Variants in SLC10A7 observed in about 807,000 individuals in gnomAD.
SLC10A7 encodes solute carrier family 10 member 7.
Under a neutral mutation model 43.2 loss-of-function variants are expected in SLC10A7, and 29 were observed. The observed-to-expected ratio is 0.67, with a 90% CI of 0.50 to 0.92. The LOEUF is 0.92. SLC10A7 is among the 40% of genes least tolerant of loss of function. SLC10A7 has a pLI of 0.00. For synonymous variants in SLC10A7, 152 were observed against 144.8 expected (o/e 1.05, Z -0.35); for missense variants, 295 against 403.2 (o/e 0.73, Z 2.30).
At chr4:146,494,786 G>T (rs1320360226) in intron 4 of SLC10A7, among the ~76,000 whole-genome samples, 1 of 152,152 alleles carries the variant, frequency 6.6e-6, no homozygotes, top group Non-Finnish European at 1.5e-5. Flanking sequence ...TCTGGGATTG[G>T]TGACTAAAAA....
intron 10 of SLC10A7, among the ~76,000 whole-genome samples, chr4:146,268,563 T>C (rs1464983228): frequency 6.6e-6 from 1 of 152,194 alleles, no homozygotes; most frequent in South Asian, 2.1e-4. Context: ...AGGCAGAATA[T>C]TGATTGTAGC....
intron 10 of SLC10A7, among the ~76,000 whole-genome samples, chr4:146,279,337 C>T (rs567956305): frequency 3.3e-5 from 5 of 152,218 alleles, no homozygotes; most frequent in African/African-American, 1.2e-4. Flanking sequence ...GATTTGAATA[C>T]TCAAGAGAAA....
At chr4:146,403,230 A>T (rs559005067) in intron 5 of SLC10A7, among the ~76,000 whole-genome samples, 8 of 152,286 alleles carry the variant, frequency 5.3e-5, no homozygotes, top group Non-Finnish European at 7.3e-5. Flanking sequence ...TGTTGTAGTA[A>T]TTCTGAAAAC....
At chr4:146,432,471 T>C (rs1308535436) in intron 5 of SLC10A7, among the ~76,000 whole-genome samples, 2 of 152,152 alleles carry the variant, frequency 1.3e-5, no homozygotes, top group Non-Finnish European at 2.9e-5. Flanking sequence ...CAAAAGTGTA[T>C]TCTAAGTGAT....
intron 5 of SLC10A7, among the ~76,000 whole-genome samples, chr4:146,374,661 CAT>C (rs1313401886): frequency 0.073 from 7,302 of 100,474 alleles, 214 homozygotes; most frequent in South Asian, 0.16. Flanking sequence ...CACACACACA[CAT>C]ATATATATAT....
chr4:146,481,305 G>T (rs1451987067), intron 4 of SLC10A7, among the ~76,000 whole-genome samples: 1 of 152,158 alleles, frequency 6.6e-6, no homozygotes, highest in East Asian at 1.9e-4. Flanking sequence ...CACAGTCCAA[G>T]CTGCTGAAGC....
chr4:146,347,953 A>G (rs1252880591), intron 5 of SLC10A7, among the ~76,000 whole-genome samples: 1 of 152,204 alleles, frequency 6.6e-6, no homozygotes, highest in Non-Finnish European at 1.5e-5. Flanking sequence ...ATAAATTTTA[A>G]AAAAGCACTT....
At chr4:146,300,158 G>T (rs1411344406) in intron 7 of SLC10A7, among the ~76,000 whole-genome samples, 1 of 152,174 alleles carries the variant, frequency 6.6e-6, no homozygotes, top group East Asian at 1.9e-4. Flanking sequence ...TGAAAGGTCA[G>T]TTAATCTGGG....
At chr4:146,300,572 A>T (rs1731093130) in intron 7 of SLC10A7, among the ~76,000 whole-genome samples, 1 of 152,098 alleles carries the variant, frequency 6.6e-6, no homozygotes, top group Non-Finnish European at 1.5e-5. Flanking sequence ...GTACTGGAGG[A>T]CCTGAGGATC....
chr4:146,465,137 C>A (rs763907229), intron 4 of SLC10A7, among the ~76,000 whole-genome samples: 1 of 152,042 alleles, frequency 6.6e-6, no homozygotes, highest in South Asian at 2.1e-4. Context: ...AGCCACTGTG[C>A]GTAATTAACA....
rs183925853 is a variant in SLC10A7, at chr4:146,258,637, A to G, written c.993+55T>C. The G allele has an allele frequency of 1.7e-4, 253 of 1,531,024 alleles. 2 individuals carry two copies. In the Admixed American group the frequency reaches 6.0e-3, roughly 37 times the overall value. 94.8% of individuals were successfully genotyped at this position (1,531,024 alleles called of 1,614,324 possible). A position where few individuals can be genotyped will look rare whatever the true frequency, so the allele number is the denominator to read the frequency against. ...GAAAGTGTATGAACAGTTCAGATTC[A>G]GGAACAGCATTTTAATCTAACTTGG... On this transcript the variant is annotated intron_variant, in intron 11 of 11. Transcript: ENST00000335472.
At chr4:146,308,756 A>G (rs777834775) in intron 6 of SLC10A7, among the ~76,000 whole-genome samples, 9 of 152,160 alleles carry the variant, frequency 5.9e-5, no homozygotes, top group Non-Finnish European at 1.3e-4. Flanking sequence ...TGTTAAGCAA[A>G]CAATCCAGTC....
rs139016215 is a variant in SLC10A7, at chr4:146,281,644, G to A, written c.847+1548C>T. Among the ~76,000 whole-genome samples the A allele has an allele frequency of 6.9e-3, 1,048 of 152,186 alleles. 21 individuals carry two copies. Among genetic ancestry groups the A allele is most frequent in the African/African-American group, 0.024 (986 of 41,520 alleles). ...TTTAGAAGACCTGAGACACCAGGCA[G>A]TACATGACAATAACACACATGGGAA... On this transcript the variant is annotated intron_variant, in intron 10 of 11. Coordinates refer to ENST00000335472, the MANE Select transcript of SLC10A7 (RefSeq NM_001029998.6).
intron 5 of SLC10A7, among the ~76,000 whole-genome samples, chr4:146,440,198 A>T (rs937628202): frequency 2.0e-5 from 3 of 152,132 alleles, no homozygotes; most frequent in African/African-American, 4.8e-5. Flanking sequence ...TGAGTTCTGC[A>T]ATAAGGAGTG....
At chr4:146,461,351 G>A (rs939936120) in intron 4 of SLC10A7, among the ~76,000 whole-genome samples, 5 of 151,842 alleles carry the variant, frequency 3.3e-5, no homozygotes, top group East Asian at 1.9e-4. Flanking sequence ...GAAACACAAC[G>A]CCAACTTCAT....
chr4:146,521,677 A>C lies in SLC10A7; in HGVS notation c.41T>G (p.Val14Gly). 6.2e-7 allele frequency: 1 copy of C among 1,614,134 alleles called. No individual in the cohort carries two copies. The highest frequency in any genetic ancestry group is 8.5e-7 in the Non-Finnish European group (1 of 1,180,030). ...LERMRKDWFMVGIVLAIAGAK... is the reference protein window; with the variant it reads ...LERMRKDWFMGGIVLAIAGAK... ...TCCAGCGATCGCCAGCACTATTCCG[A>C]CCATGAACCAGTCTTTCCTCATTCT... is the stretch of plus-strand genomic sequence containing the variant. The change falls in exon 1 of 12, where the codon GTC becomes GGC. Residue 14 changes from valine (V) to glycine (G), a missense_variant. By Grantham distance (109) the Val-to-Gly change is moderately radical. Coordinates refer to ENST00000335472, the MANE Select transcript of SLC10A7 (RefSeq NM_001029998.6).
At chr4:146,326,343 T>C (rs985757231) in intron 5 of SLC10A7, among the ~76,000 whole-genome samples, 1 of 152,188 alleles carries the variant, frequency 6.6e-6, no homozygotes, top group Non-Finnish European at 1.5e-5. Flanking sequence ...CTAACTTGGA[T>C]AAAATGCCCC....
chr4:146,289,009 C>G (rs1730223807), intron 9 of SLC10A7, among the ~76,000 whole-genome samples: 1 of 152,166 alleles, frequency 6.6e-6, no homozygotes, highest in Non-Finnish European at 1.5e-5. Flanking sequence ...GAATGTAGAA[C>G]AGAAAAGGTC....
chr4:146,292,139 G>A (rs988395826), intron 9 of SLC10A7, among the ~76,000 whole-genome samples: 1 of 152,102 alleles, frequency 6.6e-6, no homozygotes, highest in Non-Finnish European at 1.5e-5. Context: ...TACTAGTAGT[G>A]GTTCATGAGA....
Sources: allele counts gnomAD v4.1 joint callset (sites outside exome capture counted in the v4.1 genomes callset), GRCh38; gene constraint gnomAD v4.1.1; transcripts MANE v1.5; gene names NCBI Gene and HGNC (gene_info 2026-07-23, HGNC 2026-07-21).